ROR2: variants seen among roughly 807,000 people sequenced by gnomAD.
ROR2 encodes the protein tyrosine-protein kinase transmembrane receptor ROR2.
A neutral mutation model predicts 74.9 loss-of-function variants in ROR2; 33 were observed. The ratio of observed to expected loss-of-function variants is 0.44; its 90% CI spans 0.33 to 0.59. The LOEUF is 0.59. ROR2 is among the 20% of genes least tolerant of loss of function. The pLI, the probability that ROR2 is intolerant of heterozygous loss-of-function variation, is 0.02. For synonymous variants in ROR2, 586 were observed against 558.7 expected, an observed-to-expected ratio of 1.05 and a Z score of -0.69; for missense variants, 1,216 against 1,313.8, an observed-to-expected ratio of 0.93 and a Z score of 1.15.
intron 1 of ROR2, among the ~76,000 whole-genome samples, chr9:91,880,878 C>G (rs1830088388): frequency 1.3e-5 from 2 of 152,144 alleles, no homozygotes; most frequent in South Asian, 4.1e-4. Flanking sequence ...TCCTGCTGCT[C>G]AAAGGGACAT....
chr9:91,866,377 C>A (rs1056624005), intron 1 of ROR2, among the ~76,000 whole-genome samples: 2 of 150,616 alleles, frequency 1.3e-5, no homozygotes, highest in Non-Finnish European at 2.9e-5. Flanking sequence ...CTCGGCCTCC[C>A]AAAGGGCTAG....
At chr9:91,755,710 G>A (rs1349360404) in intron 4 of ROR2, among the ~76,000 whole-genome samples, 3 of 152,240 alleles carry the variant, frequency 2.0e-5, no homozygotes, top group African/African-American at 7.2e-5. Context: ...AGCTGGTAGT[G>A]CTGGGATTTC....
chr9:91,810,041 A>G (rs1827692846), intron 1 of ROR2, among the ~76,000 whole-genome samples: 1 of 152,256 alleles, frequency 6.6e-6, no homozygotes, highest in Non-Finnish European at 1.5e-5. Context: ...GCCACGCCAC[A>G]CATGACCCCC....
intron 1 of ROR2, among the ~76,000 whole-genome samples, chr9:91,868,297 G>C (rs897015834): frequency 6.6e-6 from 1 of 151,892 alleles, no homozygotes. Flanking sequence ...TATACAAGGT[G>C]AACAAAAGAG....
intron 1 of ROR2, among the ~76,000 whole-genome samples, chr9:91,839,449 T>A (rs1431227863): frequency 6.6e-6 from 1 of 151,076 alleles, no homozygotes; most frequent in Admixed American, 6.6e-5. Flanking sequence ...GGGGTGTCTA[T>A]GTGTGTGTGT....
intron 1 of ROR2, among the ~76,000 whole-genome samples, chr9:91,788,930 T>C (rs1052969793): frequency 6.7e-6 from 1 of 150,148 alleles, no homozygotes; most frequent in African/African-American, 2.5e-5. Context: ...TTTAAAAAGG[T>C]TGATCATAGA....
rs2118601045 is a variant in ROR2, at chr9:91,723,386, GA to G, written c.*275del. The G allele has an allele frequency of 4.2e-6, 2 of 476,848 alleles. No homozygotes were observed. Among genetic ancestry groups the G allele is most frequent in the East Asian group, 6.8e-5 (2 of 29,292 alleles). 29.5% of individuals were successfully genotyped at this position (476,848 alleles called of 1,614,324 possible). A position where few individuals can be genotyped will look rare whatever the true frequency, so the allele number is the denominator to read the frequency against. Reference sequence around the variant, plus strand: ...GCTGCTCACTACCAGTCTACCACCAGAATCAATGTATACAGCCCTGGGGATG... The same window carrying G: ...GCTGCTCACTACCAGTCTACCACCAGATCAATGTATACAGCCCTGGGGATG... On this transcript the variant is annotated 3_prime_UTR_variant, in exon 9 of 9. Coordinates refer to ENST00000375708, the MANE Select transcript of ROR2 (RefSeq NM_004560.4).
chr9:91,814,099 G>T (rs1214513988), intron 1 of ROR2, among the ~76,000 whole-genome samples: 5 of 152,198 alleles, frequency 3.3e-5, no homozygotes, highest in Non-Finnish European at 7.3e-5. Flanking sequence ...AAGGCAAGAG[G>T]ATCGCTTGAG....
At chr9:91,745,768 C>T (rs1208344219) in intron 4 of ROR2, among the ~76,000 whole-genome samples, 1 of 152,140 alleles carries the variant, frequency 6.6e-6, no homozygotes, top group Non-Finnish European at 1.5e-5. Context: ...CTCGAATTAT[C>T]TTACTGATGA....
chr9:91,849,092 C>A (rs921700842), intron 1 of ROR2, among the ~76,000 whole-genome samples: 32 of 152,174 alleles, frequency 2.1e-4, no homozygotes, highest in Admixed American at 1.2e-3. Flanking sequence ...CAGGTGCCCA[C>A]ACTTCGGAAG....
chr9:91,731,607 G>T (rs1287292107), intron 6 of ROR2, among the ~76,000 whole-genome samples: 1 of 152,206 alleles, frequency 6.6e-6, no homozygotes, highest in Non-Finnish European at 1.5e-5. Flanking sequence ...TGTGCATTTG[G>T]TGAACATTTC....
chr9:91,774,265 C>T (rs1346790010), intron 2 of ROR2, among the ~76,000 whole-genome samples: 1 of 152,220 alleles, frequency 6.6e-6, no homozygotes, highest in African/African-American at 2.4e-5. Flanking sequence ...GCCTCACTGC[C>T]ACCCTGCATG....
chr9:91,943,141 A>C (rs1831922716), intron 1 of ROR2, among the ~76,000 whole-genome samples: 1 of 151,994 alleles, frequency 6.6e-6, no homozygotes, highest in Non-Finnish European at 1.5e-5. Context: ...CCATGCCCCC[A>C]CCACTTTTCA....
intron 1 of ROR2, among the ~76,000 whole-genome samples, chr9:91,810,056 C>T (rs2074840010): frequency 6.6e-6 from 1 of 152,258 alleles, no homozygotes; most frequent in Non-Finnish European, 1.5e-5. Flanking sequence ...ACCCCCAGTC[C>T]CGCCCTTCAG....
chr9:91,921,953 C>CAA lies in ROR2; in HGVS notation c.97+27912_97+27913dup, dbSNP rs58497723. Among the ~76,000 whole-genome samples the CAA allele has an allele frequency of 1.4e-3, 203 of 141,650 alleles. 1 individual carries two copies. Among genetic ancestry groups the CAA allele is most frequent in the African/African-American group, 4.7e-3 (184 of 38,756 alleles). The allele number at this position is 141,650 out of a possible 152,430, so 92.9% of individuals were successfully genotyped here. ...CAAAGGATCTGAATAGACATTTCTC[C>CAA]AAAAAAAAAAAATACACAACTGGCC... On this transcript the variant is annotated intron_variant, in intron 1 of 8. Coordinates refer to ENST00000375708, the MANE Select transcript of ROR2 (RefSeq NM_004560.4).
At chr9:91,886,064 G>A (rs1830261748) in intron 1 of ROR2, among the ~76,000 whole-genome samples, 1 of 151,726 alleles carries the variant, frequency 6.6e-6, no homozygotes, top group Admixed American at 6.6e-5. Context: ...TAGTAGAGAC[G>A]GGATTTCACC....
intron 1 of ROR2, among the ~76,000 whole-genome samples, chr9:91,779,326 A>C (rs1826532169): frequency 6.6e-6 from 1 of 151,944 alleles, no homozygotes; most frequent in Non-Finnish European, 1.5e-5. Flanking sequence ...GCTCACAAGT[A>C]GAACTGCATA....
intron 1 of ROR2, among the ~76,000 whole-genome samples, chr9:91,882,790 C>T (rs921806960): frequency 3.3e-5 from 5 of 152,066 alleles, no homozygotes; most frequent in East Asian, 1.9e-4. Flanking sequence ...GAGGTGCCCA[C>T]GTGAAAACAG....
chr9:91,885,868 CT>C (rs542499117), intron 1 of ROR2, among the ~76,000 whole-genome samples: 278 of 108,134 alleles, frequency 2.6e-3, no homozygotes, highest in East Asian at 7.1e-3. Flanking sequence ...GTATGGTTTC[CT>C]TTTTTTTTTT....
Sources: gnomAD v4.1 joint callset for allele counts (sites outside exome capture counted in the v4.1 genomes callset) on GRCh38, gnomAD v4.1.1 for gene constraint, MANE v1.5 for transcripts, NCBI Gene and HGNC (gene_info 2026-07-23, HGNC 2026-07-21) for gene names.